The following MCF2L2 variants were observed in gnomAD, a reference collection of about 807,000 sequenced individuals.
MCF2L2 encodes MCF.2 cell line derived transforming sequence-like 2.
A neutral mutation model predicts 150.2 loss-of-function variants in MCF2L2; 102 were observed. The ratio of observed to expected loss-of-function variants is 0.68; its 90% CI spans 0.58 to 0.80. MCF2L2 has a LOEUF of 0.80. Ranked by LOEUF, MCF2L2 falls within the 30% of genes least tolerant of loss-of-function variation. The pLI, the probability that MCF2L2 is intolerant of heterozygous loss-of-function variation, is 0.00. For synonymous variants in MCF2L2, 465 were observed against 491.3 expected (o/e 0.95, Z 0.71); for missense variants, 1,256 against 1,372.8 (o/e 0.91, Z 1.34).
chr3:183,257,958 CTTTTTTTT>C (rs35323502), intron 15 of MCF2L2, among the ~76,000 whole-genome samples: 6 of 64,738 alleles, frequency 9.3e-5, no homozygotes, highest in African/African-American at 3.5e-4. Context: ...CCACTTCACC[CTTTTTTTT>C]TTTTTTTTTT....
At chr3:183,405,256 T>C (rs1436840868) in intron 1 of MCF2L2, among the ~76,000 whole-genome samples, 1 of 152,236 alleles carries the variant, frequency 6.6e-6, no homozygotes, top group Non-Finnish European at 1.5e-5. Context: ...AGACTTTCTT[T>C]CTTGTACTTT....
rs80324258 is a variant in MCF2L2 at position 183,328,520 on chromosome 3, G to GA, written c.487-5170dup. On this transcript the variant is annotated intron_variant, in intron 5 of 29. Coordinates refer to ENST00000328913, the MANE Select transcript of MCF2L2 (RefSeq NM_015078.4). ...AGACAGTTGGAGAACTGCTTGGTGT[G>GA]AAAAAAAAAAAAAAGCAGCCTACAC... 6.7e-3 allele frequency among the ~76,000 whole-genome samples: 906 copies of GA among 136,100 alleles called. 5 individuals are homozygous for GA. Among genetic ancestry groups the GA allele is most frequent in the African/African-American group, 0.019 (693 of 37,256 alleles). 89.3% of individuals were successfully genotyped at this position (136,100 alleles called of 152,430 possible). A position where few individuals can be genotyped will look rare whatever the true frequency, so the allele number is the denominator to read the frequency against.
At chr3:183,350,053 C>G (rs1279901596) in intron 3 of MCF2L2, among the ~76,000 whole-genome samples, 1 of 152,206 alleles carries the variant, frequency 6.6e-6, no homozygotes, top group Non-Finnish European at 1.5e-5. Flanking sequence ...CCCGGCCAAA[C>G]TGAGGGCAAA....
intron 1 of MCF2L2, among the ~76,000 whole-genome samples, chr3:183,390,289 C>T (rs1283786791): frequency 6.6e-6 from 1 of 152,054 alleles, no homozygotes; most frequent in African/African-American, 2.4e-5. Context: ...CTTTTTTTCC[C>T]CCTTCCAGAA....
intron 22 of MCF2L2, 70 bp downstream of exon 22, chr3:183,215,899 G>A: frequency 6.6e-7 from 1 of 1,503,770 alleles, no homozygotes; most frequent in South Asian, 1.3e-5. Context: ...CTTTGCCAGA[G>A]CATTTCCTCA....
At chr3:183,296,868 A>C in intron 12 of MCF2L2, 108 bp downstream of exon 12, 1 of 1,268,802 alleles carries the variant, frequency 7.9e-7, no homozygotes, top group East Asian at 2.5e-5. Flanking sequence ...AGCCCACTCA[A>C]TTCAGCCTGC....
At chr3:183,189,489 A>T (rs1458391376) in intron 27 of MCF2L2, among the ~76,000 whole-genome samples, 4 of 152,150 alleles carry the variant, frequency 2.6e-5, no homozygotes, top group African/African-American at 9.7e-5. Flanking sequence ...GTCTTAGGGG[A>T]CTGGGAACCG....
intron 3 of MCF2L2, among the ~76,000 whole-genome samples, chr3:183,350,956 A>G (rs1234519292): frequency 6.6e-6 from 1 of 151,810 alleles, no homozygotes. Flanking sequence ...ACCAATGCTC[A>G]TGCCACAAAA....
At chr3:183,235,689 G>A (rs28851780) in intron 15 of MCF2L2, among the ~76,000 whole-genome samples, 1 of 108,326 alleles carries the variant, frequency 9.2e-6, no homozygotes, top group Non-Finnish European at 1.7e-5. Context: ...CTGTGCAGAA[G>A]CTCTTTAGTT....
chr3:183,199,170 C>A (rs1350715449), intron 25 of MCF2L2, among the ~76,000 whole-genome samples: 3 of 152,172 alleles, frequency 2.0e-5, no homozygotes, highest in African/African-American at 7.2e-5. Context: ...CAGCTTTGCA[C>A]GTTCCTGAGC....
At chr3:183,387,693 G>A (rs1004243709) in intron 2 of MCF2L2, among the ~76,000 whole-genome samples, 3 of 152,216 alleles carry the variant, frequency 2.0e-5, no homozygotes. Flanking sequence ...AGCACTTTAG[G>A]AGGCTGAGGC....
chr3:183,207,650 G>A lies in MCF2L2; in HGVS notation c.2670C>T (p.Asp890=), dbSNP rs199740627. The A allele has an allele frequency of 2.2e-5, 36 of 1,614,150 alleles. No individual in the cohort carries two copies. Among genetic ancestry groups the A allele is most frequent in the Middle Eastern group, 1.6e-4 (1 of 6,062 alleles). The stretch of plus-strand genomic sequence containing the variant: ...AGCTGTAATGAGGAGATAATCCCTG[G>A]TCCCCAGGCTCCATTCGTATCTTAC... ...VFCKIRMEPG[D]QGLSPHYSFK... The change falls in exon 23 of 30, where the codon GAC becomes GAT. Residue 890 remains aspartate (D), a synonymous_variant. Transcript: ENST00000328913.
chr3:183,344,145 C>G (rs951559875), intron 3 of MCF2L2, among the ~76,000 whole-genome samples: 2 of 151,796 alleles, frequency 1.3e-5, no homozygotes, highest in Non-Finnish European at 2.9e-5. Flanking sequence ...CACCACCCCC[C>G]CCAAAAAAAG....
chr3:183,353,345 C>T (rs1711583790), intron 3 of MCF2L2, among the ~76,000 whole-genome samples: 1 of 152,076 alleles, frequency 6.6e-6, no homozygotes, highest in Non-Finnish European at 1.5e-5. Context: ...TGAAGGAATC[C>T]CCTTCCACAT....
chr3:183,310,846 T>G, intron 9 of MCF2L2, 69 bp downstream of exon 9: 2 of 995,990 alleles, frequency 2.0e-6, no homozygotes, highest in South Asian at 1.4e-5. Context: ...TACCAAAGAG[T>G]GAGGAGGGAG....
chr3:183,368,707 T>C (rs1405734151), intron 3 of MCF2L2, among the ~76,000 whole-genome samples: 7 of 152,174 alleles, frequency 4.6e-5, no homozygotes, highest in Non-Finnish European at 1.0e-4. Context: ...GAGGTTGCAG[T>C]GAGCCGAGAT....
intron 15 of MCF2L2, among the ~76,000 whole-genome samples, chr3:183,246,497 A>G (rs1724261066): frequency 6.6e-6 from 1 of 152,212 alleles, no homozygotes; most frequent in Non-Finnish European, 1.5e-5. Context: ...AGGTTCATTC[A>G]TGTTGTAGCA....
In MCF2L2 at chr3:183,179,640, G is replaced by T; in HGVS notation, c.3158C>A (p.Ser1053Tyr). Residue 1053 changes from serine to tyrosine, a missense_variant, in exon 29 of 30, where the codon TCT becomes TAT. Ser to Tyr is a moderately radical substitution (Grantham distance 144). Coordinates refer to ENST00000328913, the MANE Select transcript of MCF2L2 (RefSeq NM_015078.4). The surrounding 1 kb of genome is among the most constrained non-coding windows in gnomAD (Gnocchi z 4.2). ...GCTTTCTCCCCTCTCCAGGAAAGCA[G>T]ATTTGGAGGAACAGGTTTCGTGACT... is the stretch of plus-strand genomic sequence containing the variant. ...DDSHETCSSK[S>Y]AFLERGESSQ... The T allele has an allele frequency of 1.9e-6, 3 of 1,614,142 alleles. No individual in the cohort carries two copies. The highest frequency in any genetic ancestry group is 2.5e-6 in the Non-Finnish European group (3 of 1,179,994).
intron 1 of MCF2L2, among the ~76,000 whole-genome samples, chr3:183,424,556 A>G (rs1306778454): frequency 6.6e-6 from 1 of 152,242 alleles, no homozygotes; most frequent in Non-Finnish European, 1.5e-5. Context: ...TCTAGGGTAC[A>G]TAAGACTCTT....
Sources: gnomAD v4.1 joint callset for allele counts (sites outside exome capture counted in the v4.1 genomes callset) on GRCh38, gnomAD v4.1.1 for gene constraint, Gnocchi (gnomAD v3.1) non-coding constraint, MANE v1.5 for transcripts, NCBI Gene and HGNC (gene_info 2026-07-23, HGNC 2026-07-21) for gene names.